The following TNIK variants were observed in gnomAD, a reference collection of about 807,000 sequenced individuals.
TNIK encodes TRAF2 and NCK-interacting protein kinase.
A neutral mutation model predicts 191.3 loss-of-function variants in TNIK; 49 were observed. The observed-to-expected ratio is 0.26, with a 90% confidence interval of 0.20 to 0.32. The LOEUF (loss-of-function observed/expected upper bound fraction) is 0.32. Among genes scored for constraint, TNIK ranks in the 10% least tolerant of loss-of-function variants. The pLI, the probability that TNIK is intolerant of heterozygous loss-of-function variation, is 1.00. For missense variants in TNIK, 1,155 were observed against 1,702.3 expected (o/e 0.68, Z 5.66); for synonymous variants, 594 against 600.9 (o/e 0.99, Z 0.17).
In TNIK at chr3:171,066,625, C is replaced by A. The variant is rs1718473607; in HGVS notation, c.3810G>T (p.Arg1270=). The A allele has an allele frequency of 1.2e-6, 2 of 1,613,702 alleles. No individual in the cohort carries two copies. Among genetic ancestry groups the A allele is most frequent in the African/African-American group, 2.7e-5 (2 of 74,858 alleles). ...DEGVYVNTYG[R]ITKDVVLQWG... is the part of the protein sequence containing the mutation. ...ATTGGAGCACCACATCCTTAGTTAT[C>A]CGGCCATAGGTGTTTACATACACCC... is the stretch of plus-strand genomic sequence containing the variant. The change falls in exon 31 of 33, where the codon CGG becomes CGT. Residue 1270 remains arginine (R), a synonymous_variant. Transcript: ENST00000436636.
rs1486508078 is a variant in TNIK at position 171,123,722 on chromosome 3, A to G, written c.2014-20T>C. The G allele has an allele frequency of 7.1e-6, 11 of 1,543,184 alleles. No individual in the cohort carries two copies. In the East Asian group the frequency reaches 2.7e-4, roughly 37 times the overall value. ...AGGCACCTGGAAGAAACCAGAATTC[A>G]GAAATATTTTCCATAAAGTAGCTTC... On this transcript the variant is annotated intron_variant, in intron 17 of 32. Transcript: ENST00000436636.
chr3:171,407,581 G>A (rs1401658452), intron 1 of TNIK, among the ~76,000 whole-genome samples: 4 of 152,138 alleles, frequency 2.6e-5, no homozygotes, highest in Non-Finnish European at 5.9e-5. Context: ...GGGCCACTAA[G>A]ACAACACCTA....
chr3:171,176,275 C>T (rs1735946089), intron 8 of TNIK, among the ~76,000 whole-genome samples: 2 of 152,154 alleles, frequency 1.3e-5, no homozygotes, highest in Admixed American at 1.3e-4. Context: ...AACCAGCACT[C>T]CAAATCAATC....
intron 24 of TNIK, among the ~76,000 whole-genome samples, chr3:171,085,496 C>T (rs1019025606): frequency 3.3e-5 from 5 of 152,162 alleles, no homozygotes; most frequent in Non-Finnish European, 7.4e-5. Flanking sequence ...ACATGTGGCA[C>T]CTTAAAATCT....
chr3:171,418,648 AAGT>A (rs938818779), intron 1 of TNIK, among the ~76,000 whole-genome samples: 1 of 152,210 alleles, frequency 6.6e-6, no homozygotes. Context: ...CAGGGACAGA[AAGT>A]AGATTAGTGG....
At position 171,171,696 on chromosome 3, in the gene TNIK, A is replaced by G. The variant is rs1735302957; in HGVS notation, c.773+3556T>C. 2.0e-5 allele frequency among the ~76,000 whole-genome samples: 3 copies of G among 152,174 alleles called. No homozygotes were observed. In the South Asian group the frequency reaches 6.2e-4, roughly 32 times the overall value. ...CTGGAGGGAAGCAGTGACACTGAGT[A>G]TACTTGCGAGGGCAGGTGAGTGTGG... On this transcript the variant is annotated intron_variant, in intron 9 of 32. Transcript: ENST00000436636.
chr3:171,180,178 T>C (rs1206169963), intron 7 of TNIK, among the ~76,000 whole-genome samples: 2 of 152,092 alleles, frequency 1.3e-5, no homozygotes, highest in Non-Finnish European at 2.9e-5. Flanking sequence ...AGAAGGAAAA[T>C]GCTCGAAGGC....
At chr3:171,426,223 C>T (rs1724563281) in intron 1 of TNIK, among the ~76,000 whole-genome samples, 1 of 151,744 alleles carries the variant, frequency 6.6e-6, no homozygotes. Flanking sequence ...TACAATGCAG[C>T]CATAAAAAAT....
At chr3:171,252,809 G>A (rs1746389579) in intron 2 of TNIK, among the ~76,000 whole-genome samples, 1 of 152,148 alleles carries the variant, frequency 6.6e-6, no homozygotes, top group African/African-American at 2.4e-5. Flanking sequence ...GGTTCCTGGT[G>A]ACACCATCTA....
intron 1 of TNIK, among the ~76,000 whole-genome samples, chr3:171,400,576 A>AAATAAATAAATAAATAAATG (rs1720806252): frequency 6.6e-6 from 1 of 151,780 alleles, no homozygotes; most frequent in South Asian, 2.1e-4. Flanking sequence ...ATCTCACAAT[A>AAATAAATAAATAAATAAATG]AATAAATAAA....
rs1749421619 is a variant in TNIK, at chr3:171,273,897, C to G, written c.124-45676G>C. 3.9e-5 allele frequency among the ~76,000 whole-genome samples: 6 copies of G among 152,292 alleles called. No individual in the cohort carries two copies. The South Asian group carries it at 1.2e-3, about 32-fold the overall frequency. Reference sequence around the variant, plus strand: ...ATCTGTGAATTAACAGCCTGATTTACTTTAAACTTTCATGAAGAAGCCTGA... The same window carrying G: ...ATCTGTGAATTAACAGCCTGATTTAGTTTAAACTTTCATGAAGAAGCCTGA... On this transcript the variant is annotated intron_variant, in intron 2 of 32. Transcript: ENST00000436636.
intron 2 of TNIK, among the ~76,000 whole-genome samples, chr3:171,286,090 G>T (rs910980729): frequency 3.3e-5 from 5 of 152,140 alleles, no homozygotes; most frequent in African/African-American, 1.2e-4. Flanking sequence ...CTTTGCTGGG[G>T]AGAGAGGGGA....
chr3:171,117,643 T>G (rs906322636), intron 18 of TNIK, among the ~76,000 whole-genome samples: 9 of 152,166 alleles, frequency 5.9e-5, no homozygotes, highest in Admixed American at 2.0e-4. Flanking sequence ...GATGCCTGCA[T>G]AGCTGTACCT....
intron 1 of TNIK, among the ~76,000 whole-genome samples, chr3:171,388,654 T>A (rs1222431199): frequency 1.3e-5 from 2 of 152,216 alleles, no homozygotes; most frequent in Non-Finnish European, 2.9e-5. Flanking sequence ...CTTCAACTGC[T>A]TTCAGTTAGT....
At chr3:171,410,575 C>A (rs376634771) in intron 1 of TNIK, among the ~76,000 whole-genome samples, 1 of 151,880 alleles carries the variant, frequency 6.6e-6, no homozygotes, top group Non-Finnish European at 1.5e-5. Context: ...GTCAGGAGAT[C>A]GAGACCATCC....
At chr3:171,376,746 T>TTA (rs149568381) in intron 1 of TNIK, among the ~76,000 whole-genome samples, 1 of 148,672 alleles carries the variant, frequency 6.7e-6, no homozygotes, top group African/African-American at 2.5e-5. Flanking sequence ...GATAGATAGA[T>TTA]GATAGATAGA....
chr3:171,084,168 A>G lies in TNIK; in HGVS notation c.3156T>C (p.Cys1052=), dbSNP rs1721050080. The part of the protein sequence containing the change: ...YKKRFNSEIL[C]AALWGVNLLV... ...GCACCAACATACCCCACAGAGCTGC[A>G]CAAAGTATTTCTGAGTTGAATCGTT... Residue 1052 remains cysteine, a synonymous_variant, in exon 26 of 33, where the codon TGT becomes TGC. Coordinates refer to ENST00000436636, the MANE Select transcript of TNIK (RefSeq NM_015028.4). The G allele has an allele frequency of 5.6e-6, 9 of 1,611,246 alleles. No individual in the cohort carries two copies. The highest frequency in any genetic ancestry group is 7.6e-6 in the Non-Finnish European group (9 of 1,179,130).
At position 171,159,965 on chromosome 3, in the gene TNIK, TAGAA is replaced by T. The variant is rs1733752409; in HGVS notation, c.1016+1301_1016+1304del. ...TCCTAATATGCAGTTTAGCAAGTGTTAGAAAGACAGGGTTTCTCAGTTCTACAGA... is the reference window on the plus strand; with the variant it reads ...TCCTAATATGCAGTTTAGCAAGTGTTAGACAGGGTTTCTCAGTTCTACAGA... On this transcript the variant is annotated intron_variant, in intron 11 of 32. Transcript: ENST00000436636. The surrounding 1 kb of genome is among the most constrained non-coding windows in gnomAD (Gnocchi z 4.1). Among the ~76,000 whole-genome samples the T allele has an allele frequency of 6.6e-6, 1 of 152,228 alleles. No homozygotes were observed. Among genetic ancestry groups the T allele is most frequent in the Non-Finnish European group, 1.5e-5 (1 of 68,044 alleles).
chr3:171,196,492 T>G (rs1738686819), intron 4 of TNIK, among the ~76,000 whole-genome samples: 1 of 152,122 alleles, frequency 6.6e-6, no homozygotes, highest in African/African-American at 2.4e-5. Flanking sequence ...TTCAGAGGAC[T>G]GAGGAACATG....
Sources: gnomAD v4.1 joint callset for allele counts (sites outside exome capture counted in the v4.1 genomes callset) on GRCh38, gnomAD v4.1.1 for gene constraint, Gnocchi (gnomAD v3.1) non-coding constraint, MANE v1.5 for transcripts, NCBI Gene and HGNC (gene_info 2026-07-23, HGNC 2026-07-21) for gene names.